JARID2: variants seen among roughly 807,000 people sequenced by gnomAD.
JARID2 encodes the protein protein Jumonji.
A neutral mutation model predicts 125.6 loss-of-function variants in JARID2; 21 were observed. That is an observed-to-expected ratio of 0.17 (90% CI 0.12 to 0.24). JARID2 has a LOEUF of 0.24. Ranked by LOEUF, JARID2 falls within the 10% of genes least tolerant of loss-of-function variation. The pLI, the probability that JARID2 is intolerant of heterozygous loss-of-function variation, is 1.00. For missense variants in JARID2, 1,303 were observed against 1,639.6 expected (o/e 0.79, Z 3.55); for synonymous variants, 736 against 661.6 (o/e 1.11, Z -1.73).
At chr6:15,430,816 C>G (rs1416637778) in intron 3 of JARID2, among the ~76,000 whole-genome samples, 2 of 152,138 alleles carry the variant, frequency 1.3e-5, no homozygotes, top group African/African-American at 4.8e-5. Flanking sequence ...TGCACATGAT[C>G]CAGACCAGTC....
In JARID2 at chr6:15,362,237, T is replaced by C. The variant is rs561798162; in HGVS notation, c.46-11880T>C. ...CGAAAATATATCAGTTTAAGTGTTA[T>C]TGAGGTCTTCTCTCAGGGTTACATA... On this transcript the variant is annotated intron_variant, in intron 1 of 17. Transcript: ENST00000341776. Among the ~76,000 whole-genome samples the C allele has an allele frequency of 3.9e-5, 6 of 152,274 alleles. No individual in the cohort carries two copies. In the South Asian group the frequency reaches 6.2e-4, roughly 16 times the overall value.
At chr6:15,469,367 CT>C (rs1221857742) in intron 5 of JARID2, among the ~76,000 whole-genome samples, 4 of 55,010 alleles carry the variant, frequency 7.3e-5, no homozygotes, top group Admixed American at 3.5e-4. Flanking sequence ...CTCTCCTCCC[CT>C]TCTCCCCCTC....
intron 1 of JARID2, among the ~76,000 whole-genome samples, chr6:15,330,588 A>G (rs1004543218): frequency 1.4e-4 from 21 of 152,236 alleles, no homozygotes; most frequent in African/African-American, 4.6e-4. Flanking sequence ...TAAAGGGACA[A>G]TGTATTTCAA....
chr6:15,392,526 A>G (rs991290926), intron 2 of JARID2, among the ~76,000 whole-genome samples: 2 of 152,032 alleles, frequency 1.3e-5, no homozygotes, highest in African/African-American at 4.8e-5. Flanking sequence ...TGCTGCAGAC[A>G]TGTTGGTCAG....
chr6:15,248,133 G>C (rs111928694), intron 1 of JARID2: 1 of 968,592 alleles, frequency 1.0e-6, no homozygotes, highest in Non-Finnish European at 1.2e-6. Flanking sequence ...GCAAGCCCGT[G>C]GCTGGCGGCG....
chr6:15,283,235 C>T lies in JARID2; in HGVS notation c.45+36651C>T, dbSNP rs1273355477. Among the ~76,000 whole-genome samples, 7 of 150,926 alleles carry T rather than the reference C, an allele frequency of 4.6e-5. 1 individual carries two copies. In the East Asian group the frequency reaches 1.4e-3, roughly 29 times the overall value. ...CCTTGTGATCTGCCCACCTTGGCCT[C>T]CCAAAGTGCTGGGATTACAGGTGTG... On this transcript the variant is annotated intron_variant, in intron 1 of 17. Coordinates refer to ENST00000341776, the MANE Select transcript of JARID2 (RefSeq NM_004973.4).
In JARID2 at chr6:15,417,938, C is replaced by G. The variant is rs115368595; in HGVS notation, c.323+7573C>G. Reference sequence around the variant, plus strand: ...TACACAAATGATTTATATCTTTCCTCTCTGTCAGCCCTACCACAGCCATCT... The same window carrying G: ...TACACAAATGATTTATATCTTTCCTGTCTGTCAGCCCTACCACAGCCATCT... On this transcript the variant is annotated intron_variant, in intron 3 of 17. Coordinates refer to ENST00000341776, the MANE Select transcript of JARID2 (RefSeq NM_004973.4). Among the ~76,000 whole-genome samples, 452 of 152,252 alleles carry G rather than the reference C, an allele frequency of 3.0e-3. 3 individuals are homozygous for G. Among genetic ancestry groups the G allele is most frequent in the Middle Eastern group, 0.01 (3 of 294 alleles).
At chr6:15,383,304 A>T (rs1329480735) in intron 2 of JARID2, among the ~76,000 whole-genome samples, 1 of 145,012 alleles carries the variant, frequency 6.9e-6, no homozygotes, top group African/African-American at 2.5e-5. Context: ...CCAGGTTGGG[A>T]TTTTTTTTTT....
At chr6:15,497,384 G>A (rs1425089094) in intron 7 of JARID2, among the ~76,000 whole-genome samples, 2 of 152,192 alleles carry the variant, frequency 1.3e-5, no homozygotes, top group Non-Finnish European at 2.9e-5. Flanking sequence ...TTGAGCTGCC[G>A]GGCGCGGTGG....
rs370306221 is a variant in JARID2 at position 15,283,311 on chromosome 6, G to T, written c.45+36727G>T. Among the ~76,000 whole-genome samples the T allele has an allele frequency of 6.5e-5, 9 of 137,858 alleles. No homozygotes were observed. In the East Asian group the frequency reaches 6.8e-4, roughly 10 times the overall value. 90.4% of individuals were successfully genotyped at this position (137,858 alleles called of 152,430 possible). ...ATTTATTGAATATGTCGCAAATATT[G>T]TCTCCTAGTCTGTCCTTTGTCCTTT... On this transcript the variant is annotated intron_variant, in intron 1 of 17. Coordinates refer to ENST00000341776, the MANE Select transcript of JARID2 (RefSeq NM_004973.4).
chr6:15,415,359 CA>C (rs1766100320), intron 3 of JARID2, among the ~76,000 whole-genome samples: 1 of 151,926 alleles, frequency 6.6e-6, no homozygotes, highest in African/African-American at 2.4e-5. Flanking sequence ...GGTGGCCGGG[CA>C]GAGGGGCTCC....
chr6:15,442,404 G>A (rs1267268511), intron 3 of JARID2, among the ~76,000 whole-genome samples: 2 of 152,182 alleles, frequency 1.3e-5, no homozygotes, highest in South Asian at 2.1e-4. Flanking sequence ...CAGCCTATTA[G>A]AAATTATTTT....
intron 14 of JARID2, among the ~76,000 whole-genome samples, chr6:15,512,600 C>G (rs73724432): frequency 1.3e-5 from 2 of 152,128 alleles, no homozygotes; most frequent in African/African-American, 4.8e-5. Context: ...GAGTTTTGAT[C>G]AGACCGTTAC....
chr6:15,288,150 G>A (rs531971411), intron 1 of JARID2, among the ~76,000 whole-genome samples: 2 of 152,240 alleles, frequency 1.3e-5, no homozygotes, highest in Admixed American at 1.3e-4. Context: ...ACCTCAGATT[G>A]GGTAATTTAT....
Position 15,404,210 on chromosome 6 carries a change from C to T in JARID2, c.182-6014C>T, listed in dbSNP as rs904763357. ...TGCTCTGCAGACCCTGTGCCCTGCT[C>T]GCCCCTCTCCCTGGAGCTCTGTGCT... On this transcript the variant is annotated intron_variant, in intron 2 of 17. Transcript: ENST00000341776. 1.4e-4 allele frequency among the ~76,000 whole-genome samples: 22 copies of T among 152,222 alleles called. 1 individual carries two copies. Among genetic ancestry groups the T allele is most frequent in the East Asian group, 5.8e-4 (3 of 5,174 alleles).
At position 15,519,157 on chromosome 6, in the gene JARID2, C is replaced by T. The variant is rs143876118; in HGVS notation, c.3559-912C>T. Among the ~76,000 whole-genome samples the T allele has an allele frequency of 4.5e-3, 689 of 152,320 alleles. 5 individuals are homozygous for T. Among genetic ancestry groups the T allele is most frequent in the African/African-American group, 0.016 (661 of 41,574 alleles). On this transcript the variant is annotated intron_variant, in intron 17 of 17. Coordinates refer to ENST00000341776, the MANE Select transcript of JARID2 (RefSeq NM_004973.4). ...GGAGGGAACGGTGTCCTCCTGTAACCGCACACTGCCGCTCCTCCTCACTTG... is the reference window on the plus strand; with the variant it reads ...GGAGGGAACGGTGTCCTCCTGTAACTGCACACTGCCGCTCCTCCTCACTTG...
intron 1 of JARID2, among the ~76,000 whole-genome samples, chr6:15,281,227 T>TTCTA (rs1171952091): frequency 6.6e-6 from 1 of 152,234 alleles, no homozygotes; most frequent in African/African-American, 2.4e-5. Flanking sequence ...AACCCTTTTA[T>TTCTA]TCTAATAAGG....
At chr6:15,493,143 T>A (rs970989870) in intron 6 of JARID2, among the ~76,000 whole-genome samples, 1 of 151,762 alleles carries the variant, frequency 6.6e-6, no homozygotes, top group African/African-American at 2.4e-5. Flanking sequence ...ACCAAAGGCC[T>A]TACACTCTTA....
intron 1 of JARID2, among the ~76,000 whole-genome samples, chr6:15,322,038 G>T (rs1240036670): frequency 1.3e-5 from 2 of 152,042 alleles, no homozygotes; most frequent in African/African-American, 2.4e-5. Context: ...TTGTTCGCCT[G>T]CCTCCCAAAG....
Sources: gnomAD v4.1 joint callset for allele counts (sites outside exome capture counted in the v4.1 genomes callset) on GRCh38, gnomAD v4.1.1 for gene constraint, MANE v1.5 for transcripts, NCBI Gene and HGNC (gene_info 2026-07-23, HGNC 2026-07-21) for gene names.